THSD7B: variants seen among roughly 807,000 people sequenced by gnomAD.
The protein encoded by THSD7B is thrombospondin type-1 domain-containing protein 7B.
A neutral mutation model predicts 213.6 loss-of-function variants in THSD7B; 138 were observed. That is an observed-to-expected ratio of 0.65 (90% CI 0.56 to 0.74). The LOEUF (loss-of-function observed/expected upper bound fraction) is 0.74. Among genes scored for constraint, THSD7B ranks in the 30% least tolerant of loss-of-function variants. THSD7B has a pLI of 0.00. For synonymous variants in THSD7B, 742 were observed against 687.0 expected, an observed-to-expected ratio of 1.08 and a Z score of -1.25; for missense variants, 1,931 against 1,991.5, an observed-to-expected ratio of 0.97 and a Z score of 0.58.
chr2:137,480,283 C>T (rs1386069355), intron 15 of THSD7B, among the ~76,000 whole-genome samples: 3 of 151,980 alleles, frequency 2.0e-5, no homozygotes, highest in African/African-American at 7.3e-5. Flanking sequence ...GGGATAAGAA[C>T]ATGGTATTAG....
At chr2:137,261,721 T>G (rs1042153000) in intron 10 of THSD7B, among the ~76,000 whole-genome samples, 1 of 152,098 alleles carries the variant, frequency 6.6e-6, no homozygotes, top group Non-Finnish European at 1.5e-5. Context: ...TGGTTAAAAA[T>G]AAAAAGCCTA....
At chr2:137,619,553 T>C (rs376996527) in intron 19 of THSD7B, among the ~76,000 whole-genome samples, 42 of 152,336 alleles carry the variant, frequency 2.8e-4, no homozygotes, top group African/African-American at 9.1e-4. Flanking sequence ...TTTTATTTAA[T>C]CAGCCTCTAA....
chr2:137,137,931 C>T (rs187872780), intron 5 of THSD7B, among the ~76,000 whole-genome samples: 1 of 152,018 alleles, frequency 6.6e-6, no homozygotes, highest in African/African-American at 2.4e-5. Flanking sequence ...TAGGGTCTCA[C>T]TCTGTTGCTC....
At chr2:137,424,114 C>A (rs1208894757) in intron 14 of THSD7B, among the ~76,000 whole-genome samples, 1 of 95,254 alleles carries the variant, frequency 1.0e-5, no homozygotes, top group East Asian at 4.9e-4. Context: ...GTCTATATGC[C>A]AATGAATGTA....
chr2:137,357,780 G>A (rs1685167195), intron 12 of THSD7B, among the ~76,000 whole-genome samples: 1 of 152,148 alleles, frequency 6.6e-6, no homozygotes, highest in Non-Finnish European at 1.5e-5. Flanking sequence ...GCTATAGGAG[G>A]AGGCAGTAGT....
intron 5 of THSD7B, among the ~76,000 whole-genome samples, chr2:137,154,857 GT>G (rs917735485): frequency 6.6e-6 from 1 of 151,808 alleles, no homozygotes; most frequent in Non-Finnish European, 1.5e-5. Flanking sequence ...ATTAAGAACA[GT>G]TTTTTTTCCT....
chr2:137,562,441 G>C (rs994820688), intron 15 of THSD7B, among the ~76,000 whole-genome samples: 3 of 151,962 alleles, frequency 2.0e-5, no homozygotes, highest in Non-Finnish European at 4.4e-5. Flanking sequence ...TGCCCACTGG[G>C]ATACAATTTC....
At chr2:137,346,961 G>A (rs1684889216) in intron 12 of THSD7B, among the ~76,000 whole-genome samples, 1 of 151,500 alleles carries the variant, frequency 6.6e-6, no homozygotes, top group South Asian at 2.1e-4. Context: ...GGAATTGCTG[G>A]ATCATATAGT....
chr2:137,142,278 G>A (rs1389312767), intron 5 of THSD7B, among the ~76,000 whole-genome samples: 1 of 152,146 alleles, frequency 6.6e-6, no homozygotes, highest in African/African-American at 2.4e-5. Flanking sequence ...AGGACAGAGA[G>A]AGAATGAGCC....
At chr2:137,175,102 C>G (rs1311898941) in intron 7 of THSD7B, among the ~76,000 whole-genome samples, 1 of 152,158 alleles carries the variant, frequency 6.6e-6, no homozygotes, top group Non-Finnish European at 1.5e-5. Context: ...GGACAGTGTT[C>G]CCAGTGGCTG....
chr2:136,917,118 CTATG>C (rs1477952739), intron 2 of THSD7B, among the ~76,000 whole-genome samples: 2 of 152,260 alleles, frequency 1.3e-5, no homozygotes, highest in East Asian at 3.9e-4. Context: ...ACATTTTTGA[CTATG>C]ATATGATTGT....
chr2:137,365,745 A>G (rs1407812014), intron 12 of THSD7B, among the ~76,000 whole-genome samples: 6 of 152,164 alleles, frequency 3.9e-5, no homozygotes, highest in African/African-American at 9.6e-5. Flanking sequence ...GAAACAACAG[A>G]TGCTGGAGAG....
chr2:137,047,608 T>G (rs1686993923), intron 2 of THSD7B, among the ~76,000 whole-genome samples: 1 of 152,160 alleles, frequency 6.6e-6, no homozygotes, highest in Non-Finnish European at 1.5e-5. Flanking sequence ...GGTCCACGTG[T>G]CTTGTTCCAG....
intron 15 of THSD7B, among the ~76,000 whole-genome samples, chr2:137,524,510 T>TA (rs1189734334): frequency 3.9e-5 from 6 of 152,180 alleles, no homozygotes; most frequent in Non-Finnish European, 8.8e-5. Context: ...GCATTTTTTT[T>TA]ATAGGTGATG....
intron 5 of THSD7B, among the ~76,000 whole-genome samples, chr2:137,130,519 C>T (rs933173443): frequency 2.8e-5 from 4 of 141,710 alleles, no homozygotes; most frequent in Admixed American, 2.1e-4. Context: ...CTAATGCTAT[C>T]CCTTCCCCCT....
chr2:136,835,211 A>G (rs1382214827), intron 1 of THSD7B, among the ~76,000 whole-genome samples: 1 of 152,250 alleles, frequency 6.6e-6, no homozygotes, highest in Non-Finnish European at 1.5e-5. Context: ...ACAACAAAAC[A>G]TAACAAGAAC....
At chr2:137,401,563 C>T (rs547800170) in intron 12 of THSD7B, among the ~76,000 whole-genome samples, 1 of 151,648 alleles carries the variant, frequency 6.6e-6, no homozygotes, top group Non-Finnish European at 1.5e-5. Context: ...AACCAGAAGA[C>T]ACCTGAAAAC....
chr2:136,880,759 T>C (rs1683607966), intron 1 of THSD7B, among the ~76,000 whole-genome samples: 1 of 152,168 alleles, frequency 6.6e-6, no homozygotes, highest in African/African-American at 2.4e-5. Flanking sequence ...ATCTTTTCAT[T>C]CACCAGTACT....
chr2:137,275,989 CA>C lies in THSD7B; in HGVS notation c.2464del (p.Ser822AlafsTer26). 2 of 1,612,108 alleles carry C rather than the reference CA, an allele frequency of 1.2e-6. No homozygotes were observed. The highest frequency in any genetic ancestry group is 1.7e-6 in the Non-Finnish European group (2 of 1,178,862). On this transcript the variant is annotated frameshift_variant, in exon 12 of 28. Coordinates refer to ENST00000409968, the MANE Select transcript of THSD7B (RefSeq NM_001316349.2). LOFTEE classifies it high-confidence loss of function. ...PESVWQGITGSSEACGKGLQT... is the reference protein window; with the variant it reads ...PESVWQGITGXSEACGKGLQT... ...AGTCTGTCTGGCAGGGAATAACGGG[CA>C]GCAGTGAAGCCTGTGGAAAGGGGTT...
Sources: allele counts gnomAD v4.1 joint callset (sites outside exome capture counted in the v4.1 genomes callset), GRCh38; gene constraint gnomAD v4.1.1; transcripts MANE v1.5; gene names NCBI Gene and HGNC (gene_info 2026-07-23, HGNC 2026-07-21).